Variants in PCDH15 observed in about 807,000 individuals in gnomAD.
PCDH15 encodes the protein protocadherin related 15, also known as protocadherin-15.
A neutral mutation model predicts 178.5 loss-of-function variants in PCDH15; 129 were observed. That is an observed-to-expected ratio of 0.72 (90% CI 0.63 to 0.84). The LOEUF is 0.84. PCDH15 is among the 40% of genes least tolerant of loss of function. The pLI is 0.00. For missense variants in PCDH15, 2,230 were observed against 2,099.9 expected (o/e 1.06, Z -1.21); for synonymous variants, 800 against 732.0 (o/e 1.09, Z -1.50).
rs541964346 is a variant in PCDH15, at chr10:54,727,290, CG to C, written c.-28-63001del. On this transcript the variant is annotated intron_variant, in intron 1 of 37. Coordinates refer to ENST00000644397, the MANE Select transcript of PCDH15 (RefSeq NM_001384140.1). Reference sequence around the variant, plus strand: ...CACAATAAAAATAGAAATCAATACACGGGAGATCTCTCAAAACTATACCATT... The same window carrying C: ...CACAATAAAAATAGAAATCAATACACGGAGATCTCTCAAAACTATACCATT... Among the ~76,000 whole-genome samples the C allele has an allele frequency of 1.1e-4, 16 of 151,390 alleles. No individual in the cohort carries two copies. In the East Asian group the frequency reaches 3.1e-3, roughly 29 times the overall value.
chr10:54,527,229 T>G (rs2083445966), intron 3 of PCDH15, among the ~76,000 whole-genome samples: 1 of 152,092 alleles, frequency 6.6e-6, no homozygotes, highest in Non-Finnish European at 1.5e-5. Context: ...GGAAAAAAAG[T>G]TTTTCCAAAG....
At chr10:55,004,942 T>C (rs1430697935) in intron 2 of PCDH15, among the ~76,000 whole-genome samples, 4 of 152,070 alleles carry the variant, frequency 2.6e-5, no homozygotes, top group Non-Finnish European at 4.4e-5. Flanking sequence ...GTAGTAAAAT[T>C]TGTATAGCCC....
rs527705510 is a variant in PCDH15, at chr10:54,772,493, G to C, written c.-29+28432C>G. 4.1e-4 allele frequency among the ~76,000 whole-genome samples: 62 copies of C among 151,966 alleles called. 1 individual carries two copies. In the Middle Eastern group the frequency reaches 0.01, roughly 25 times the overall value. On this transcript the variant is annotated intron_variant, in intron 1 of 37. Transcript: ENST00000644397. Reference sequence around the variant, plus strand: ...TCCACTCAAAAGAAGACATACATGCGTCCAACAAACATATGAAAAAAAGCT... The same window carrying C: ...TCCACTCAAAAGAAGACATACATGCCTCCAACAAACATATGAAAAAAAGCT...
rs2077566355 is a variant in PCDH15 at position 53,840,345 on chromosome 10, C to G, written c.3958G>C (p.Ala1320Pro). 1 of 1,614,152 alleles carries G rather than the reference C, an allele frequency of 6.2e-7. No individual in the cohort carries two copies. Among genetic ancestry groups the G allele is most frequent in the Non-Finnish European group, 8.5e-7 (1 of 1,180,028 alleles). The change falls in exon 29 of 38, where the codon GCC becomes CCC. Residue 1320 changes from alanine (A) to proline (P), a missense_variant. Transcript: ENST00000644397. ...VYAIDPQTNR[A>P]IDRNELFKFL... ...TTAAAAAGCTCATTTCTATCGATGG[C>G]TCTGTTGGTTTGGGGGTCAATTGCA...
chr10:54,831,190 T>A (rs975093358), intron 3 of PCDH15, among the ~76,000 whole-genome samples: 7 of 152,030 alleles, frequency 4.6e-5, no homozygotes, highest in Non-Finnish European at 7.4e-5. Flanking sequence ...TGTAAGATAA[T>A]TTTTTTATTC....
rs184144118 is a variant in PCDH15, at chr10:53,866,865, G to A, written c.3502-8C>T. ...AGTATCTTTATCAGTAGCCTAGACG[G>A]AGGGGAAAAAAAAAGAGATTATAAT... On this transcript the variant is annotated splice_polypyrimidine_tract_variant and splice_region_variant and intron_variant, in intron 26 of 37. Transcript: ENST00000644397. The A allele has an allele frequency of 5.3e-3, 8,292 of 1,557,730 alleles. 35 individuals are homozygous for A. Among genetic ancestry groups the A allele is most frequent in the Middle Eastern group, 0.013 (76 of 5,964 alleles).
Position 54,479,389 on chromosome 10 carries a change from A to T in PCDH15, c.157+48423T>A, listed in dbSNP as rs115251383. Among the ~76,000 whole-genome samples, 615 of 152,102 alleles carry T rather than the reference A, an allele frequency of 4.0e-3. 5 individuals carry two copies. The highest frequency in any genetic ancestry group is 0.013 in the African/African-American group (541 of 41,528). On this transcript the variant is annotated intron_variant, in intron 3 of 37. Transcript: ENST00000644397. The stretch of plus-strand genomic sequence containing the variant: ...CTTAAAACTTAAATGTGTGTGTGTA[A>T]CATATTGAATACGTAATTTAATATA...
intron 1 of PCDH15, among the ~76,000 whole-genome samples, chr10:55,231,328 C>T (rs1338258800): frequency 3.3e-5 from 5 of 151,798 alleles, no homozygotes; most frequent in African/African-American, 1.2e-4. Context: ...GGATGTGGGT[C>T]CCAGGTACTT....
intron 35 of PCDH15, 89 bp downstream of exon 35, chr10:53,816,150 C>T: frequency 2.5e-6 from 1 of 397,942 alleles, no homozygotes; most frequent in Non-Finnish European, 4.4e-6. Flanking sequence ...CATTGGCAGA[C>T]ACCCACTCTG....
rs1305615884 is a variant in PCDH15 at position 54,801,215 on chromosome 10, T to C, written c.-319A>G. The stretch of plus-strand genomic sequence containing the variant: ...TGAGATGTATGCCACCTGCCTTAGT[T>C]ACCACAAGCAACTAACACTAAGCTG... On this transcript the variant is annotated 5_prime_UTR_variant, in exon 1 of 38. Coordinates refer to ENST00000644397, the MANE Select transcript of PCDH15 (RefSeq NM_001384140.1). 3 of 152,208 alleles carry C rather than the reference T, an allele frequency of 2.0e-5. No individual in the cohort carries two copies. Among genetic ancestry groups the C allele is most frequent in the Middle Eastern group, 3.2e-3 (1 of 316 alleles). The allele number at this position is 152,208 out of a possible 1,614,324, so 9.4% of individuals were successfully genotyped here.
intron 2 of PCDH15, among the ~76,000 whole-genome samples, chr10:54,929,773 A>G (rs548154399): frequency 1.3e-5 from 2 of 152,328 alleles, no homozygotes; most frequent in East Asian, 3.9e-4. Context: ...TATCTCACAT[A>G]GCAACAATCA....
At chr10:54,061,810 A>C (rs1438033169) in intron 18 of PCDH15, among the ~76,000 whole-genome samples, 1 of 92,618 alleles carries the variant, frequency 1.1e-5, no homozygotes, top group Non-Finnish European at 2.2e-5. Flanking sequence ...TAAACATTAA[A>C]AATTGTTGAT....
chr10:53,822,666 G>A (rs1564535870), intron 32 of PCDH15: 1 of 1,614,046 alleles, frequency 6.2e-7, no homozygotes, highest in Non-Finnish European at 8.5e-7. Context: ...GATGACATTA[G>A]GTTCTGATTT....
Position 54,023,088 on chromosome 10 carries a change from A to C in PCDH15, c.2330T>G (p.Leu777Arg). ...SNGSIYTAVK[L>R]NREVRDYYEL... ...ATAGTAGTCCCTGACTTCTCTGTTAAGCTTCACTGCTGTGTAAATGCTCCC... is the reference window on the plus strand; with the variant it reads ...ATAGTAGTCCCTGACTTCTCTGTTACGCTTCACTGCTGTGTAAATGCTCCC... The change falls in exon 19 of 38, where the codon CTT (leucine) becomes CGT (arginine). Residue 777 changes from leucine (L) to arginine (R), a missense_variant. By Grantham distance (102) the Leu-to-Arg change is moderately radical (BLOSUM62 -2). Coordinates refer to ENST00000644397, the MANE Select transcript of PCDH15 (RefSeq NM_001384140.1). The C allele has an allele frequency of 6.2e-7, 1 of 1,614,030 alleles. No homozygotes were observed.
chr10:54,586,985 G>T (rs2133876060), intron 2 of PCDH15, among the ~76,000 whole-genome samples: 1 of 151,958 alleles, frequency 6.6e-6, no homozygotes. Context: ...TTTTTTTAAG[G>T]AGATGAAAAA....
chr10:55,231,038 G>T (rs1841202820), intron 1 of PCDH15, among the ~76,000 whole-genome samples: 1 of 151,934 alleles, frequency 6.6e-6, no homozygotes, highest in Non-Finnish European at 1.5e-5. Context: ...TTTACTTAAA[G>T]AATTACATAT....
At chr10:55,133,549 T>C (rs1838110052) in intron 2 of PCDH15, among the ~76,000 whole-genome samples, 1 of 152,122 alleles carries the variant, frequency 6.6e-6, no homozygotes. Context: ...TGAACCTCTA[T>C]TGTACATCTC....
intron 2 of PCDH15, among the ~76,000 whole-genome samples, chr10:54,656,477 T>G (rs1159262786): frequency 1.3e-5 from 2 of 152,088 alleles, no homozygotes; most frequent in Non-Finnish European, 1.5e-5. Context: ...AAGACAGAAA[T>G]CCATGTTGTT....
At position 55,272,135 on chromosome 10, in the gene PCDH15, A is replaced by C. The variant is rs979903491; in HGVS notation, c.-156+47464T>G. 3.0e-4 allele frequency among the ~76,000 whole-genome samples: 45 copies of C among 152,010 alleles called. 1 individual carries two copies. Among genetic ancestry groups the C allele is most frequent in the African/African-American group, 1.1e-3 (44 of 41,368 alleles). The stretch of plus-strand genomic sequence containing the variant: ...AGCACATAAGAATAGTAGGGAACTT[A>C]ATAATTATCCAGAAGCTTATGCCAA... On this transcript the variant is annotated intron_variant, in intron 1 of 5. Coordinates refer to the PCDH15 transcript ENST00000458638.
Sources: allele counts gnomAD v4.1 joint callset (sites outside exome capture counted in the v4.1 genomes callset), GRCh38; gene constraint gnomAD v4.1.1; transcripts MANE v1.5; gene names NCBI Gene and HGNC (gene_info 2026-07-23, HGNC 2026-07-21).